EDF1: variants seen among roughly 807,000 people sequenced by gnomAD.
EDF1 encodes endothelial differentiation related factor 1.
Under a neutral mutation model 20.8 loss-of-function variants are expected in EDF1, and 5 were observed. The observed-to-expected ratio is 0.24, with a 90% CI of 0.13 to 0.51. The LOEUF (loss-of-function observed/expected upper bound fraction) is 0.51. Ranked by LOEUF, EDF1 falls within the 20% of genes least tolerant of loss-of-function variation. The pLI, the probability that EDF1 is intolerant of heterozygous loss-of-function variation, is 0.97. For missense variants in EDF1, 137 were observed against 197.8 expected, an observed-to-expected ratio of 0.69 and a Z score of 1.84; for synonymous variants, 96 against 78.5, an observed-to-expected ratio of 1.22 and a Z score of -1.18.
chr9:136,866,041 G>C (rs1195909057), intron 1 of EDF1, 140 bp downstream of exon 1: 12 of 239,726 alleles, frequency 5.0e-5, no homozygotes, highest in East Asian at 3.7e-4. Flanking sequence ...TCCTGCCCCC[G>C]GCACCCCAGC....
Position 136,862,129 on chromosome 9 carries a change from G to A in EDF1, c.*155C>T, listed in dbSNP as rs945595436. ...GCCAGCAGAACCCAGCGCTTTGCAA[G>A]GTTTTGTTTGTTTGACAGCAGGAAT... On this transcript the variant is annotated 3_prime_UTR_variant, in exon 5 of 5. Transcript: ENST00000224073. This position sits in a 1 kb window ranked among gnomAD's most constrained non-coding sequence, Gnocchi z 4.1. The A allele has an allele frequency of 2.1e-6, 2 of 962,046 alleles. No homozygotes were observed. Among genetic ancestry groups the A allele is most frequent in the Non-Finnish European group, 3.2e-6 (2 of 617,772 alleles). The allele number at this position is 962,046 out of a possible 1,614,324, so 59.6% of individuals were successfully genotyped here.
Position 136,863,921 on chromosome 9 carries a change from C to A in EDF1, c.79-50G>T, listed in dbSNP as rs1390358952. 1 of 1,596,390 alleles carries A rather than the reference C, an allele frequency of 6.3e-7. No individual in the cohort carries two copies. Among genetic ancestry groups the A allele is most frequent in the Non-Finnish European group, 8.6e-7 (1 of 1,166,088 alleles). ...GATCAAAATTAGCTTTGACAGTATC[C>A]AGCACACACCAATTCAGGCCTGCTG... On this transcript the variant is annotated intron_variant, in intron 1 of 4. Coordinates refer to ENST00000224073, the MANE Select transcript of EDF1 (RefSeq NM_003792.4). This position sits in a 1 kb window ranked among gnomAD's most constrained non-coding sequence, Gnocchi z 4.5.
Position 136,862,855 on chromosome 9 carries a change from C to T in EDF1, c.385+51G>A, listed in dbSNP as rs200305721. 24 of 1,611,872 alleles carry T rather than the reference C, an allele frequency of 1.5e-5. No homozygotes were observed. The highest frequency in any genetic ancestry group is 2.1e-4 in the Middle Eastern group (1 of 4,746). ...CACTCTCACCAACCCCAGCTGGGAG[C>T]GGGTAGCCTCCCTGTTCAGCGGACC... On this transcript the variant is annotated intron_variant, in intron 4 of 4. Coordinates refer to ENST00000224073, the MANE Select transcript of EDF1 (RefSeq NM_003792.4). The surrounding 1 kb of genome is among the most constrained non-coding windows in gnomAD (Gnocchi z 4.1).
chr9:136,863,762 C>T lies in EDF1; in HGVS notation c.130+58G>A. 23 of 1,604,092 alleles carry T rather than the reference C, an allele frequency of 1.4e-5. No individual in the cohort carries two copies. Among genetic ancestry groups the T allele is most frequent in the Non-Finnish European group, 2.0e-5 (23 of 1,171,736 alleles). On this transcript the variant is annotated intron_variant, in intron 2 of 4. Coordinates refer to ENST00000224073, the MANE Select transcript of EDF1 (RefSeq NM_003792.4). This position sits in a 1 kb window ranked among gnomAD's most constrained non-coding sequence, Gnocchi z 4.5. ...GGGGGCGCCGCACACACCACACCCA[C>T]CAGCACATGGACCCCACAGCACAGC...
In EDF1 at chr9:136,863,148, C is replaced by T. The variant is rs563005101; in HGVS notation, c.291+140G>A. 1.6e-4 allele frequency: 238 copies of T among 1,513,878 alleles called. No individual in the cohort carries two copies. Among genetic ancestry groups the T allele is most frequent in the South Asian group, 1.3e-3 (111 of 83,636 alleles). The allele number at this position is 1,513,878 out of a possible 1,614,324, so 93.8% of individuals were successfully genotyped here. On this transcript the variant is annotated intron_variant, in intron 3 of 4. Transcript: ENST00000224073. This position sits in a 1 kb window ranked among gnomAD's most constrained non-coding sequence, Gnocchi z 4.5. ...GTTTTGTGCGAGAGGCAGTGAGAGC[C>T]GGGCTGACCTGGCTTCCCGAGGCAT...
chr9:136,862,795 G>C lies in EDF1; in HGVS notation c.385+111C>G. ...GCAAAGCTCCAGAATTCAGAGAACAGGGGACCCCCAGGGCCATCTTCTTCC... is the reference window on the plus strand; with the variant it reads ...GCAAAGCTCCAGAATTCAGAGAACACGGGACCCCCAGGGCCATCTTCTTCC... On this transcript the variant is annotated intron_variant, in intron 4 of 4. Transcript: ENST00000224073. This position sits in a 1 kb window ranked among gnomAD's most constrained non-coding sequence, Gnocchi z 4.1. 2.5e-6 allele frequency: 4 copies of C among 1,608,354 alleles called. No individual in the cohort carries two copies. In the Admixed American group the frequency reaches 6.7e-5, roughly 27 times the overall value.
rs35434045 is a variant in EDF1, at chr9:136,863,396, C to A, written c.183G>T (p.Leu61=). The A allele has an allele frequency of 6.2e-7, 1 of 1,614,046 alleles. No homozygotes were observed. Among genetic ancestry groups the A allele is most frequent in the African/African-American group, 1.3e-5 (1 of 74,946 alleles). The change falls in exon 3 of 5, where the codon CTG becomes CTT. Residue 61 remains leucine, a synonymous_variant. Coordinates refer to ENST00000224073, the MANE Select transcript of EDF1 (RefSeq NM_003792.4). This position sits in a 1 kb window ranked among gnomAD's most constrained non-coding sequence, Gnocchi z 4.5. The part of the protein sequence containing the change: ...QHSITKNTAK[L]DRETEELHHD... ...GGTGCAGCTCCTCTGTCTCCCGGTC[C>A]AGCTTGGCCGTGTTCTTGGTAATAG...
At position 136,862,625 on chromosome 9, in the gene EDF1, C is replaced by T. The variant is rs1232004028; in HGVS notation, c.386-280G>A. The T allele has an allele frequency of 1.1e-5, 16 of 1,517,200 alleles. No homozygotes were observed. Among genetic ancestry groups the T allele is most frequent in the African/African-American group, 1.4e-5 (1 of 72,472 alleles). 94.0% of individuals were successfully genotyped at this position (1,517,200 alleles called of 1,614,324 possible). ...CCCATGCTGACAGGGCCCGGACCCGCTGTGCTCAGGCTCAGAGAACCATCG... is the reference window on the plus strand; with the variant it reads ...CCCATGCTGACAGGGCCCGGACCCGTTGTGCTCAGGCTCAGAGAACCATCG... On this transcript the variant is annotated intron_variant, in intron 4 of 4. Coordinates refer to ENST00000224073, the MANE Select transcript of EDF1 (RefSeq NM_003792.4). The surrounding 1 kb of genome is among the most constrained non-coding windows in gnomAD (Gnocchi z 4.1).
intron 1 of EDF1, 121 bp downstream of exon 1, chr9:136,866,060 C>T (rs1849218934): frequency 8.9e-6 from 9 of 1,006,692 alleles, no homozygotes; most frequent in Non-Finnish European, 1.1e-5. Flanking sequence ...GCCTTGTCCC[C>T]GTCCCCTGCG....
At position 136,866,271 on chromosome 9, in the gene EDF1, C is replaced by G. The variant is rs1165475243; in HGVS notation, c.-13G>C. The G allele has an allele frequency of 6.3e-7, 1 of 1,593,168 alleles. No homozygotes were observed. The highest frequency in any genetic ancestry group is 8.5e-7 in the Non-Finnish European group (1 of 1,173,522). On this transcript the variant is annotated 5_prime_UTR_variant, in exon 1 of 5. Transcript: ENST00000224073. ...CGCTCTCGGCCATGGCGGGCGAAGA[C>G]GAGCGTCCGTCCGGCGGCTCAGCGG...
Position 136,863,569 on chromosome 9 carries a change from G to T in EDF1, c.131-121C>A. On this transcript the variant is annotated intron_variant, in intron 2 of 4. Transcript: ENST00000224073. This position sits in a 1 kb window ranked among gnomAD's most constrained non-coding sequence, Gnocchi z 4.5. ...GAACTCAAGGGGACATGGGAACCCA[G>T]GCTGTCCCAAGTTCACACACCTCAG... is the stretch of plus-strand genomic sequence containing the variant. 1 of 1,334,084 alleles carries T rather than the reference G, an allele frequency of 7.5e-7. No individual in the cohort carries two copies. The highest frequency in any genetic ancestry group is 1.0e-6 in the Non-Finnish European group (1 of 988,430). 82.6% of individuals were successfully genotyped at this position (1,334,084 alleles called of 1,614,324 possible).
Position 136,862,547 on chromosome 9 carries a change from A to G in EDF1, c.386-202T>C. 6.3e-7 allele frequency: 1 copy of G among 1,595,146 alleles called. No individual in the cohort carries two copies. Among genetic ancestry groups the G allele is most frequent in the African/African-American group, 1.3e-5 (1 of 74,542 alleles). ...TCACCTTAGACAGCAGAGCATGAAC[A>G]CCCCTCTCCGGAAGAACCGGAGCCG... On this transcript the variant is annotated intron_variant, in intron 4 of 4. Coordinates refer to ENST00000224073, the MANE Select transcript of EDF1 (RefSeq NM_003792.4). This position sits in a 1 kb window ranked among gnomAD's most constrained non-coding sequence, Gnocchi z 4.1.
chr9:136,862,673 A>T lies in EDF1; in HGVS notation c.385+233T>A, dbSNP rs1032472785. The T allele has an allele frequency of 5.9e-5, 88 of 1,490,832 alleles. No individual in the cohort carries two copies. The African/African-American group carries it at 1.1e-3, about 19-fold the overall frequency. The allele number at this position is 1,490,832 out of a possible 1,614,324, so 92.4% of individuals were successfully genotyped here. The stretch of plus-strand genomic sequence containing the variant: ...TCGCCAACAGCACAGGCTGACGGGA[A>T]CTGGCAAGGGGAAGGGACTCGGACT... On this transcript the variant is annotated intron_variant, in intron 4 of 4. Coordinates refer to ENST00000224073, the MANE Select transcript of EDF1 (RefSeq NM_003792.4). The surrounding 1 kb of genome is among the most constrained non-coding windows in gnomAD (Gnocchi z 4.1).
intron 1 of EDF1, 71 bp downstream of exon 1, chr9:136,866,110 G>A: frequency 6.8e-7 from 1 of 1,476,048 alleles, no homozygotes; most frequent in Non-Finnish European, 9.1e-7. Flanking sequence ...CGAGCCCCCT[G>A]CCCCACGGTC....
intron 1 of EDF1, among the ~76,000 whole-genome samples, 198 bp downstream of exon 1, chr9:136,865,983 T>C (rs1272066913): frequency 4.5e-5 from 3 of 67,080 alleles, no homozygotes; most frequent in Admixed American, 2.1e-4. Context: ...ACCCCTGTCC[T>C]GGCCCGGTCC....
Position 136,862,297 on chromosome 9 carries a change from G to A in EDF1, c.434C>T (p.Pro145Leu), listed in dbSNP as rs781147354. The A allele has an allele frequency of 1.9e-6, 3 of 1,613,972 alleles. No homozygotes were observed. The highest frequency in any genetic ancestry group is 2.5e-6 in the Non-Finnish European group (3 of 1,179,992). Residue 145 changes from proline to leucine, a missense_variant, in exon 5 of 5, where the codon CCT (proline) becomes CTT (leucine). By Grantham distance (98) the Pro-to-Leu change is moderately conservative (BLOSUM62 -3). Transcript: ENST00000224073. This position sits in a 1 kb window ranked among gnomAD's most constrained non-coding sequence, Gnocchi z 4.1. ...GAGGCTTTGTGTTCATTTCGCCCTAGGCCCCTTCTCGATGGGCTTTCCAAT... is the reference window on the plus strand; with the variant it reads ...GAGGCTTTGTGTTCATTTCGCCCTAAGCCCCTTCTCGATGGGCTTTCCAAT... ...KDIGKPIEKGPRAK is the reference protein window; with the variant it reads ...KDIGKPIEKGLRAK
At chr9:136,865,822 C>G (rs1374180323) in intron 1 of EDF1, among the ~76,000 whole-genome samples, 7 of 150,196 alleles carry the variant, frequency 4.7e-5, no homozygotes, top group Non-Finnish European at 1.0e-4. Flanking sequence ...GTCCCTGCCC[C>G]TATCCCCTCC....
In EDF1 at chr9:136,862,140, T is replaced by G; in HGVS notation, c.*144A>C. 9.4e-7 allele frequency: 1 copy of G among 1,061,314 alleles called. No individual in the cohort carries two copies. The allele number at this position is 1,061,314 out of a possible 1,614,324, so 65.7% of individuals were successfully genotyped here. ...CCAGCGCTTTGCAAGGTTTTGTTTG[T>G]TTGACAGCAGGAATGGGCTGGGGAG... On this transcript the variant is annotated 3_prime_UTR_variant, in exon 5 of 5. Transcript: ENST00000224073. This position sits in a 1 kb window ranked among gnomAD's most constrained non-coding sequence, Gnocchi z 4.1.
rs1849131965 is a variant in EDF1, at chr9:136,862,831, ACT to A, written c.385+73_385+74del. On this transcript the variant is annotated intron_variant, in intron 4 of 4. Coordinates refer to ENST00000224073, the MANE Select transcript of EDF1 (RefSeq NM_003792.4). The surrounding 1 kb of genome is among the most constrained non-coding windows in gnomAD (Gnocchi z 4.1). Reference sequence around the variant, plus strand: ...GGGCCATCTTCTTCCCCCGAGTCCCACTCTCACCAACCCCAGCTGGGAGCGGG... The same window carrying A: ...GGGCCATCTTCTTCCCCCGAGTCCCACTCACCAACCCCAGCTGGGAGCGGG... 1 of 1,611,228 alleles carries A rather than the reference ACT, an allele frequency of 6.2e-7. No homozygotes were observed. Among genetic ancestry groups the A allele is most frequent in the Non-Finnish European group, 8.5e-7 (1 of 1,179,790 alleles).
Sources: allele counts gnomAD v4.1 joint callset (sites outside exome capture counted in the v4.1 genomes callset), GRCh38; gene constraint gnomAD v4.1.1; non-coding constraint Gnocchi (gnomAD v3.1); transcripts MANE v1.5; gene names NCBI Gene and HGNC (gene_info 2026-07-23, HGNC 2026-07-21).